Variants in ATG4C observed in about 807,000 individuals in gnomAD.
ATG4C encodes autophagy related 4C cysteine peptidase.
Under a neutral mutation model 57.6 loss-of-function variants are expected in ATG4C, and 56 were observed. The observed-to-expected ratio is 0.97, with a 90% CI of 0.78 to 1.21. The LOEUF is 1.21. Among genes scored for constraint, ATG4C ranks in the 50% most tolerant of loss-of-function variants. ATG4C has a pLI of 0.00. For missense variants in ATG4C, 595 were observed against 529.8 expected, an observed-to-expected ratio of 1.12 and a Z score of -1.21; for synonymous variants, 157 against 174.1, an observed-to-expected ratio of 0.90 and a Z score of 0.78.
chr1:62,792,543 T>C (rs905806477), intron 1 of ATG4C, among the ~76,000 whole-genome samples: 1 of 152,218 alleles, frequency 6.6e-6, no homozygotes, highest in Non-Finnish European at 1.5e-5. Flanking sequence ...TGGTTCCACA[T>C]AATATCATTT....
At chr1:62,807,477 A>G (rs1475183184) in intron 3 of ATG4C, among the ~76,000 whole-genome samples, 1 of 152,150 alleles carries the variant, frequency 6.6e-6, no homozygotes, top group Non-Finnish European at 1.5e-5. Flanking sequence ...TTAGAATGGA[A>G]CTTTCAGCCC....
chr1:62,824,064 A>G (rs1665569558), intron 6 of ATG4C, among the ~76,000 whole-genome samples: 1 of 152,176 alleles, frequency 6.6e-6, no homozygotes, highest in Non-Finnish European at 1.5e-5. Context: ...AAGGTATCAG[A>G]ATCATTTGGT....
At chr1:62,805,399 G>A (rs2100298219) in intron 3 of ATG4C, 144 bp downstream of exon 3, 1 of 1,197,642 alleles carries the variant, frequency 8.3e-7, no homozygotes, top group South Asian at 2.7e-5. Flanking sequence ...ATATTACTAT[G>A]TTGTTTGGGT....
intron 10 of ATG4C, among the ~76,000 whole-genome samples, chr1:62,848,488 TTC>T (rs1666395496): frequency 6.6e-6 from 1 of 152,236 alleles, no homozygotes. Flanking sequence ...TGGTGATAAA[TTC>T]TCTCAGCTTT....
rs1366339064 is a variant in ATG4C, at chr1:62,807,790, G to C, written c.160+2535G>C. ...CCAAGTGTTTCCTTGAGTTCTGTGAGTCATCACAGCAAATTACCAAACCTG... is the reference window on the plus strand; with the variant it reads ...CCAAGTGTTTCCTTGAGTTCTGTGACTCATCACAGCAAATTACCAAACCTG... On this transcript the variant is annotated intron_variant, in intron 3 of 10. Transcript: ENST00000317868. Among the ~76,000 whole-genome samples, 345 of 152,284 alleles carry C rather than the reference G, an allele frequency of 2.3e-3. 1 individual carries two copies. The highest frequency in any genetic ancestry group is 8.1e-3 in the African/African-American group (337 of 41,560).
chr1:62,802,763 C>T (rs1664725468), intron 1 of ATG4C, among the ~76,000 whole-genome samples: 2 of 152,126 alleles, frequency 1.3e-5, no homozygotes, highest in Non-Finnish European at 2.9e-5. Flanking sequence ...CATCTCATGC[C>T]ACTTTTTTAG....
intron 10 of ATG4C, among the ~76,000 whole-genome samples, chr1:62,847,827 GA>G (rs927710192): frequency 3.9e-5 from 6 of 152,170 alleles, no homozygotes; most frequent in African/African-American, 1.4e-4. Context: ...AATGGTCCGG[GA>G]GAGTTGAGAG....
At chr1:62,841,877 G>A (rs1666180922) in intron 10 of ATG4C, among the ~76,000 whole-genome samples, 1 of 152,134 alleles carries the variant, frequency 6.6e-6, no homozygotes, top group South Asian at 2.1e-4. Flanking sequence ...CTTAGGGGTA[G>A]GAAAAAAATT....
intron 10 of ATG4C, among the ~76,000 whole-genome samples, chr1:62,854,438 C>G (rs148444287): frequency 0.014 from 2,086 of 151,890 alleles, 67 homozygotes; most frequent in African/African-American, 0.047. Context: ...CCACCATGCC[C>G]GGCTAATTTT....
intron 9 of ATG4C, among the ~76,000 whole-genome samples, chr1:62,839,258 A>G (rs1448294140): frequency 6.6e-6 from 1 of 152,134 alleles, no homozygotes; most frequent in Non-Finnish European, 1.5e-5. Flanking sequence ...GGGTCTTGCC[A>G]TGATGCACAA....
intron 3 of ATG4C, among the ~76,000 whole-genome samples, chr1:62,810,043 C>T (rs1665026031): frequency 6.6e-6 from 1 of 151,908 alleles, no homozygotes; most frequent in African/African-American, 2.4e-5. Context: ...ACTTACGACC[C>T]AACATTTCTA....
chr1:62,806,063 C>T (rs1480834303), intron 3 of ATG4C, among the ~76,000 whole-genome samples: 6 of 152,098 alleles, frequency 3.9e-5, no homozygotes, highest in Non-Finnish European at 1.5e-5. Flanking sequence ...CTGTAAATGG[C>T]TTGTAGTAAT....
chr1:62,820,072 A>G (rs866832523), intron 5 of ATG4C, among the ~76,000 whole-genome samples: 5 of 152,212 alleles, frequency 3.3e-5, no homozygotes, highest in African/African-American at 1.2e-4. Flanking sequence ...GCATTTTTGC[A>G]TATTAACATG....
chr1:62,848,924 G>A (rs1332798529), intron 10 of ATG4C, among the ~76,000 whole-genome samples: 1 of 151,988 alleles, frequency 6.6e-6, no homozygotes, highest in Non-Finnish European at 1.5e-5. Flanking sequence ...CAGGATACAT[G>A]TTTCTTAGTT....
Position 62,819,694 on chromosome 1 carries a change from G to A in ATG4C, c.725+359G>A, listed in dbSNP as rs1467960485. On this transcript the variant is annotated intron_variant, in intron 5 of 10. Transcript: ENST00000317868. ...TTTTTAATAGTGTAACCTGGGGGCT[G>A]TAATGTACTGATAGTGTAATGAAAT... Among the ~76,000 whole-genome samples the A allele has an allele frequency of 2.0e-5, 3 of 151,918 alleles. No homozygotes were observed. The East Asian group carries it at 5.8e-4, about 29-fold the overall frequency.
chr1:62,819,441 G>A (rs147249964), intron 5 of ATG4C, 106 bp downstream of exon 5: 278 of 840,446 alleles, frequency 3.3e-4, no homozygotes, highest in Admixed American at 8.3e-4. Context: ...AAGTCTAACT[G>A]TATGAGAATG....
At chr1:62,794,006 T>G (rs147681129) in intron 1 of ATG4C, among the ~76,000 whole-genome samples, 149 of 152,350 alleles carry the variant, frequency 9.8e-4, no homozygotes, top group African/African-American at 3.2e-3. Flanking sequence ...ACTAAGAACC[T>G]GACATAATTA....
rs1490890539 is a variant in ATG4C, at chr1:62,848,170, C to T, written c.1209+6623C>T. Among the ~76,000 whole-genome samples, 3 of 141,756 alleles carry T rather than the reference C, an allele frequency of 2.1e-5. No homozygotes were observed. In the Admixed American group the frequency reaches 2.1e-4, roughly 10 times the overall value. 93.0% of individuals were successfully genotyped at this position (141,756 alleles called of 152,430 possible). A position where few individuals can be genotyped will look rare whatever the true frequency, so the allele number is the denominator to read the frequency against. ...TTCTTTTTTGTTTGTTTGTTTTATA[C>T]ATTTTGAGGCTTTGCTATTAGTTAC... On this transcript the variant is annotated intron_variant, in intron 10 of 10. Transcript: ENST00000317868.
At chr1:62,843,457 C>CT (rs1343404153) in intron 10 of ATG4C, among the ~76,000 whole-genome samples, 4 of 152,004 alleles carry the variant, frequency 2.6e-5, no homozygotes, top group African/African-American at 9.7e-5. Context: ...AAGCACTTGC[C>CT]TTTTTTTCTT....
Sources: gnomAD v4.1 joint callset for allele counts (sites outside exome capture counted in the v4.1 genomes callset) on GRCh38, gnomAD v4.1.1 for gene constraint, MANE v1.5 for transcripts, NCBI Gene and HGNC (gene_info 2026-07-23, HGNC 2026-07-21) for gene names.